Variants in NXN observed in about 807,000 individuals in gnomAD.
The protein encoded by NXN is nucleoredoxin 1.
NXN carries 16 observed loss-of-function variants against 48.6 expected under a neutral mutation model. The observed-to-expected ratio is 0.33, with a 90% CI of 0.22 to 0.50. The LOEUF is 0.50. NXN is among the 20% of genes least tolerant of loss of function. The pLI is 0.98. For synonymous variants in NXN, 281 were observed against 269.6 expected (o/e 1.04, Z -0.41); for missense variants, 492 against 605.5 (o/e 0.81, Z 1.97).
intron 5 of NXN, among the ~76,000 whole-genome samples, chr17:812,890 ATGTAGG>A (rs1025660395): frequency 3.2e-5 from 4 of 123,338 alleles, no homozygotes; most frequent in African/African-American, 1.3e-4. Flanking sequence ...GCACATGTGA[ATGTAGG>A]TGTGTGCATG....
intron 5 of NXN, among the ~76,000 whole-genome samples, chr17:817,497 A>G (rs540540116): frequency 2.2e-4 from 33 of 151,952 alleles, no homozygotes; most frequent in South Asian, 6.2e-4. Context: ...GTGAAACCCC[A>G]TCTCTACTAA....
At chr17:813,004 A>G (rs1327641011) in intron 5 of NXN, among the ~76,000 whole-genome samples, 1 of 151,822 alleles carries the variant, frequency 6.6e-6, no homozygotes, top group Non-Finnish European at 1.5e-5. Flanking sequence ...AGGTGTTTGC[A>G]TGTGTGTAGG....
In NXN at chr17:920,877, C is replaced by A. The variant is rs1489398291; in HGVS notation, c.360+58442G>T. The stretch of plus-strand genomic sequence containing the variant: ...AGTTGGGATTACAGGCGCCCGCCAC[C>A]ATGTCCGGCTAATTTTTGTAATTTT... On this transcript the variant is annotated intron_variant, in intron 1 of 7. Coordinates refer to ENST00000336868, the MANE Select transcript of NXN (RefSeq NM_022463.5). This position sits in a 1 kb window ranked among gnomAD's most constrained non-coding sequence, Gnocchi z 4.6. 6.6e-6 allele frequency among the ~76,000 whole-genome samples: 1 copy of A among 152,080 alleles called. No homozygotes were observed. The highest frequency in any genetic ancestry group is 1.5e-5 in the Non-Finnish European group (1 of 68,034).
chr17:886,292 T>TA (rs1228684138), intron 1 of NXN, among the ~76,000 whole-genome samples: 5 of 152,150 alleles, frequency 3.3e-5, no homozygotes, highest in South Asian at 4.1e-4. Flanking sequence ...GCTTTGGCTT[T>TA]AAAAAATCAA....
At chr17:821,395 G>T (rs1912813822) in intron 4 of NXN, among the ~76,000 whole-genome samples, 1 of 78,174 alleles carries the variant, frequency 1.3e-5, no homozygotes, top group Non-Finnish European at 2.4e-5. Flanking sequence ...CCTGTTTTGT[G>T]ATTCCTTATC....
chr17:936,528 G>A (rs992798036), intron 1 of NXN, among the ~76,000 whole-genome samples: 6 of 151,558 alleles, frequency 4.0e-5, no homozygotes, highest in African/African-American at 1.5e-4. Context: ...CCCCAAAAGT[G>A]ACTGAAAGCA....
intron 1 of NXN, among the ~76,000 whole-genome samples, chr17:896,193 A>G (rs1293095378): frequency 6.6e-6 from 1 of 151,836 alleles, no homozygotes; most frequent in Non-Finnish European, 1.5e-5. Flanking sequence ...ACAAAAAATT[A>G]GCCGGGCGTG....
chr17:813,823 G>C (rs1912313032), intron 5 of NXN, among the ~76,000 whole-genome samples: 1 of 151,756 alleles, frequency 6.6e-6, no homozygotes, highest in Non-Finnish European at 1.5e-5. Context: ...AAAATTAGCT[G>C]GGCGTAGTGG....
intron 5 of NXN, among the ~76,000 whole-genome samples, chr17:810,026 TAA>T (rs772261930): frequency 7.4e-6 from 1 of 135,672 alleles, no homozygotes; most frequent in East Asian, 2.3e-4. Context: ...GCGTGCACGT[TAA>T]GAGTCCGTGT....
In NXN at chr17:948,864, GGCCTCCTCCTCTCCCCCT is replaced by G. The variant is rs2069077758; in HGVS notation, c.360+30437_360+30454del. On this transcript the variant is annotated intron_variant, in intron 1 of 7. Coordinates refer to ENST00000336868, the MANE Select transcript of NXN (RefSeq NM_022463.5). ...CCCCCCTGCCTCCTCCTCTCCCCGC[GGCCTCCTCCTCTCCCCCT>G]GCCTCCTCCTCTCCCCCCTGCCTCC... Among the ~76,000 whole-genome samples, 20 of 5,648 alleles carry G rather than the reference GGCCTCCTCCTCTCCCCCT, an allele frequency of 3.5e-3. 3 individuals carry two copies. Among genetic ancestry groups the G allele is most frequent in the South Asian group, 0.023 (2 of 86 alleles). The allele number at this position is 5,648 out of a possible 152,430, so 3.7% of individuals were successfully genotyped here. A position where few individuals can be genotyped will look rare whatever the true frequency, so the allele number is the denominator to read the frequency against.
intron 1 of NXN, among the ~76,000 whole-genome samples, chr17:832,660 C>A (rs1913550941): frequency 6.6e-6 from 1 of 152,122 alleles, no homozygotes; most frequent in African/African-American, 2.4e-5. Context: ...TGCCCTGCCC[C>A]CAGTCTCCAC....
chr17:801,150 A>G lies in NXN; in HGVS notation c.1126-19T>C. Reference sequence around the variant, plus strand: ...TGTCATCCTGAAGCCGTCAGGAGGGAGAGAAAACCAAGAAGTTTTAAAGAA... The same window carrying G: ...TGTCATCCTGAAGCCGTCAGGAGGGGGAGAAAACCAAGAAGTTTTAAAGAA... On this transcript the variant is annotated intron_variant, in intron 7 of 7. Transcript: ENST00000336868. 2 of 1,499,982 alleles carry G rather than the reference A, an allele frequency of 1.3e-6. No individual in the cohort carries two copies. Among genetic ancestry groups the G allele is most frequent in the Admixed American group, 4.6e-5 (2 of 43,710 alleles). The allele number at this position is 1,499,982 out of a possible 1,614,324, so 92.9% of individuals were successfully genotyped here.
intron 1 of NXN, among the ~76,000 whole-genome samples, chr17:834,680 C>T (rs964269412): frequency 1.1e-4 from 17 of 150,890 alleles, no homozygotes; most frequent in South Asian, 4.2e-4. Context: ...CCACCACGCC[C>T]GACCTAATTT....
At chr17:921,323 C>T (rs995332234) in intron 1 of NXN, among the ~76,000 whole-genome samples, 15 of 152,264 alleles carry the variant, frequency 9.9e-5, no homozygotes, top group African/African-American at 3.4e-4. Flanking sequence ...CCTCCTACCC[C>T]GGCTCCCTCT....
intron 1 of NXN, among the ~76,000 whole-genome samples, chr17:847,506 A>T (rs964228229): frequency 3.9e-5 from 6 of 152,160 alleles, no homozygotes; most frequent in East Asian, 1.9e-4. Flanking sequence ...CACAGCGGTA[A>T]TGTCACCTCA....
At chr17:881,849 C>G (rs754470987) in intron 1 of NXN, among the ~76,000 whole-genome samples, 9 of 152,012 alleles carry the variant, frequency 5.9e-5, no homozygotes, top group African/African-American at 2.2e-4. Context: ...AAATGAAGCC[C>G]GACACAAAAT....
intron 1 of NXN, among the ~76,000 whole-genome samples, chr17:914,785 A>G (rs1205962095): frequency 6.6e-6 from 1 of 151,710 alleles, no homozygotes; most frequent in African/African-American, 2.4e-5. Flanking sequence ...GGTGTAGAGG[A>G]GGCGGAGCTG....
intron 1 of NXN, among the ~76,000 whole-genome samples, chr17:835,122 C>T (rs1273404093): frequency 2.0e-5 from 3 of 151,326 alleles, no homozygotes; most frequent in South Asian, 2.1e-4. Context: ...TCCTGGCTAA[C>T]ATGGTGAAAC....
chr17:811,920 C>CTTTT (rs34383551), intron 5 of NXN, among the ~76,000 whole-genome samples: 22 of 73,204 alleles, frequency 3.0e-4, no homozygotes, highest in Non-Finnish European at 4.4e-4. Context: ...CCCAGTTCTG[C>CTTTT]TTTTTTTTTT....
Sources: allele counts gnomAD v4.1 joint callset (sites outside exome capture counted in the v4.1 genomes callset), GRCh38; gene constraint gnomAD v4.1.1; non-coding constraint Gnocchi (gnomAD v3.1); transcripts MANE v1.5; gene names NCBI Gene and HGNC (gene_info 2026-07-23, HGNC 2026-07-21).